CDH4: variants seen among roughly 807,000 people sequenced by gnomAD.
The protein encoded by CDH4 is cadherin 4.
CDH4 carries 33 observed loss-of-function variants against 86.0 expected under a neutral mutation model. That is an observed-to-expected ratio of 0.38 (90% CI 0.29 to 0.51). The LOEUF is 0.51. Ranked by LOEUF, CDH4 falls within the 20% of genes least tolerant of loss-of-function variation. The probability of loss-of-function intolerance (pLI) is 0.86; values close to 1 mark genes in which losing one functional copy is unlikely to be tolerated. For missense variants in CDH4, 1,114 were observed against 1,307.4 expected (o/e 0.85, Z 2.28); for synonymous variants, 555 against 549.4 (o/e 1.01, Z -0.14).
intron 2 of CDH4, among the ~76,000 whole-genome samples, chr20:61,584,261 C>T (rs1455319094): frequency 5.9e-5 from 9 of 152,296 alleles, no homozygotes; most frequent in Admixed American, 3.9e-4. Flanking sequence ...AGCTCTTGCA[C>T]GTGCCTTCCA....
chr20:61,725,208 C>T (rs1443703882), intron 2 of CDH4, among the ~76,000 whole-genome samples: 8 of 152,182 alleles, frequency 5.3e-5, no homozygotes, highest in Non-Finnish European at 1.2e-4. Flanking sequence ...TTTCCTCCAC[C>T]CATTCCTCCT....
intron 2 of CDH4, among the ~76,000 whole-genome samples, chr20:61,576,044 G>A (rs1218223236): frequency 6.6e-6 from 1 of 152,184 alleles, no homozygotes; most frequent in Admixed American, 6.5e-5. Context: ...AAGGAGAAGG[G>A]ACAAGTGGAG....
Position 61,488,393 on chromosome 20 carries a change from G to C in CDH4, c.169+233456G>C, listed in dbSNP as rs117443616. Among the ~76,000 whole-genome samples, 871 of 152,258 alleles carry C rather than the reference G, an allele frequency of 5.7e-3. 5 individuals are homozygous for C. The highest frequency in any genetic ancestry group is 8.1e-3 in the Non-Finnish European group (554 of 68,012). On this transcript the variant is annotated intron_variant, in intron 2 of 15. Transcript: ENST00000614565. ...TTGTTCAGCGCCTCTGTAAACAAAT[G>C]CTTGGAGTTCACACGGGTCCCCTGT...
chr20:61,714,140 A>G (rs1368668424), intron 2 of CDH4, among the ~76,000 whole-genome samples: 3 of 151,732 alleles, frequency 2.0e-5, no homozygotes, highest in African/African-American at 4.9e-5. Context: ...TCTGCCTCCC[A>G]GGTTCACGCC....
intron 9 of CDH4, among the ~76,000 whole-genome samples, chr20:61,915,448 C>T (rs1310216299): frequency 6.6e-6 from 1 of 152,218 alleles, no homozygotes; most frequent in Non-Finnish European, 1.5e-5. Flanking sequence ...CCAAGGCCTC[C>T]TGAGGCAGCA....
At chr20:61,605,332 T>G (rs2086634601) in intron 2 of CDH4, among the ~76,000 whole-genome samples, 1 of 151,432 alleles carries the variant, frequency 6.6e-6, no homozygotes, top group South Asian at 2.1e-4. Flanking sequence ...TGCCTCTCTC[T>G]CTCTGTGTGT....
chr20:61,859,519 A>G (rs1373869101), intron 6 of CDH4, among the ~76,000 whole-genome samples: 1 of 152,196 alleles, frequency 6.6e-6, no homozygotes, highest in Non-Finnish European at 1.5e-5. Flanking sequence ...ACAGTTGTTT[A>G]GGTTTGTAGT....
chr20:61,499,831 G>T (rs1405712949), intron 2 of CDH4, among the ~76,000 whole-genome samples: 1 of 152,144 alleles, frequency 6.6e-6, no homozygotes. Context: ...ACCTCTGAGT[G>T]CTCCTGCACT....
rs112425274 is a variant in CDH4, at chr20:61,553,160, T to C, written c.170-190403T>C. Among the ~76,000 whole-genome samples the C allele has an allele frequency of 9.2e-3, 1,401 of 152,378 alleles. 8 individuals are homozygous for C. Among genetic ancestry groups the C allele is most frequent in the Middle Eastern group, 0.02 (6 of 294 alleles). Reference sequence around the variant, plus strand: ...ACATAGATAAGCATTGGAAACATTATGCCAAGTGAATGAAGACAGACACAA... The same window carrying C: ...ACATAGATAAGCATTGGAAACATTACGCCAAGTGAATGAAGACAGACACAA... On this transcript the variant is annotated intron_variant, in intron 2 of 15. Transcript: ENST00000614565.
rs1980200785 is a variant in CDH4, at chr20:61,807,528, C to T, written c.576+34346C>T. ...GGCTGGGAAGTTGCAGCCCTTTCTC[C>T]CCGTCAAGGTGCAGCTGTGTCCACC... On this transcript the variant is annotated intron_variant, in intron 4 of 15. Coordinates refer to ENST00000614565, the MANE Select transcript of CDH4 (RefSeq NM_001794.5). The surrounding 1 kb of genome is among the most constrained non-coding windows in gnomAD (Gnocchi z 4.5). 6.6e-6 allele frequency among the ~76,000 whole-genome samples: 1 copy of T among 152,218 alleles called. No homozygotes were observed. Among genetic ancestry groups the T allele is most frequent in the Admixed American group, 6.5e-5 (1 of 15,282 alleles).
In CDH4 at chr20:61,940,171, T is replaced by A. The variant is rs2055246576; in HGVS notation, c.*3228T>A. On this transcript the variant is annotated 3_prime_UTR_variant, in exon 16 of 16. Coordinates refer to ENST00000614565, the MANE Select transcript of CDH4 (RefSeq NM_001794.5). Reference sequence around the variant, plus strand: ...CGCCGTGGGTCCGTAGGAGGGACAGTACCTCACAACAGGCCCAGCGGGGGA... The same window carrying A: ...CGCCGTGGGTCCGTAGGAGGGACAGAACCTCACAACAGGCCCAGCGGGGGA... 6.6e-6 allele frequency: 1 copy of A among 152,204 alleles called. No homozygotes were observed. The highest frequency in any genetic ancestry group is 2.4e-5 in the African/African-American group (1 of 41,446). 9.4% of individuals were successfully genotyped at this position (152,204 alleles called of 1,614,324 possible).
In CDH4 at chr20:61,727,042, G is replaced by A. The variant is rs141356549; in HGVS notation, c.170-16521G>A. 4.2e-4 allele frequency among the ~76,000 whole-genome samples: 62 copies of A among 148,522 alleles called. 1 individual carries two copies. In the South Asian group the frequency reaches 6.8e-3, roughly 16 times the overall value. The stretch of plus-strand genomic sequence containing the variant: ...CATTGGTGCTGCCATCATCACCATC[G>A]CTGCTATCATCACCATCACTGCCAT... On this transcript the variant is annotated intron_variant, in intron 2 of 15. Transcript: ENST00000614565.
At chr20:61,849,721 C>T (rs1398775187) in intron 5 of CDH4, among the ~76,000 whole-genome samples, 2 of 152,226 alleles carry the variant, frequency 1.3e-5, no homozygotes, top group Admixed American at 1.3e-4. Flanking sequence ...GCACGTGTCT[C>T]CTCCACTGTC....
At chr20:61,818,428 C>T (rs572518949) in intron 4 of CDH4, among the ~76,000 whole-genome samples, 3 of 152,232 alleles carry the variant, frequency 2.0e-5, no homozygotes, top group Admixed American at 2.0e-4. Flanking sequence ...GTAATCCCGG[C>T]ACTTTGGGAG....
intron 2 of CDH4, among the ~76,000 whole-genome samples, chr20:61,303,453 C>T (rs906570758): frequency 5.1e-4 from 35 of 68,206 alleles, no homozygotes; most frequent in African/African-American, 1.5e-3. Context: ...TCTGGCCCTG[C>T]TCTTGCCATT....
At chr20:61,889,597 ATGGATGATGGGTGGATAGATGATGGATGG>A (rs1984709433) in intron 7 of CDH4, among the ~76,000 whole-genome samples, 2 of 6,680 alleles carry the variant, frequency 3.0e-4, no homozygotes, top group Non-Finnish European at 1.1e-3. Flanking sequence ...TAGTGGATGG[ATGGATGATGGGTGGATAGATGATGGATGG>A]ATGGATGGAT....
At chr20:61,787,835 T>G (rs1978965303) in intron 4 of CDH4, among the ~76,000 whole-genome samples, 1 of 152,036 alleles carries the variant, frequency 6.6e-6, no homozygotes, top group Admixed American at 6.6e-5. Flanking sequence ...GAGGGAACAG[T>G]AAGTGCAAAT....
intron 8 of CDH4, among the ~76,000 whole-genome samples, chr20:61,908,929 G>T (rs1016887056): frequency 1.3e-5 from 2 of 152,236 alleles, no homozygotes; most frequent in African/African-American, 4.8e-5. Context: ...CTGCACCTGA[G>T]GGCTTCTCCG....
intron 2 of CDH4, among the ~76,000 whole-genome samples, chr20:61,603,110 T>C (rs1478839303): frequency 6.6e-6 from 1 of 152,000 alleles, no homozygotes; most frequent in Non-Finnish European, 1.5e-5. Context: ...GTTCAAGAGG[T>C]GGCTAAACAG....
Sources: gnomAD v4.1 joint callset for allele counts (sites outside exome capture counted in the v4.1 genomes callset) on GRCh38, gnomAD v4.1.1 for gene constraint, Gnocchi (gnomAD v3.1) non-coding constraint, MANE v1.5 for transcripts, NCBI Gene and HGNC (gene_info 2026-07-23, HGNC 2026-07-21) for gene names.